HTT: variants seen among roughly 807,000 people sequenced by gnomAD.
HTT encodes the protein huntington disease protein.
Under a neutral mutation model 362.3 loss-of-function variants are expected in HTT, and 104 were observed. The ratio of observed to expected loss-of-function variants is 0.29; its 90% CI spans 0.24 to 0.34. The LOEUF (loss-of-function observed/expected upper bound fraction) is 0.34, where lower values mean the gene tolerates loss of function less well. Ranked by LOEUF, HTT falls within the 10% of genes least tolerant of loss-of-function variation. The pLI is 1.00. For missense variants in HTT, 3,301 were observed against 3,928.6 expected, an observed-to-expected ratio of 0.84 and a Z score of 4.27; for synonymous variants, 1,577 against 1,548.7, an observed-to-expected ratio of 1.02 and a Z score of -0.43.
At chr4:3,153,979 A>G (rs1717024793) in intron 26 of HTT, among the ~76,000 whole-genome samples, 1 of 152,180 alleles carries the variant, frequency 6.6e-6, no homozygotes, top group African/African-American at 2.4e-5. Flanking sequence ...CCAACATAGA[A>G]TGCCCTGGTT....
chr4:3,105,294 C>T, intron 4 of HTT, 63 bp from the exon 5 acceptor site: 1 of 1,091,642 alleles, frequency 9.2e-7, no homozygotes, highest in South Asian at 1.3e-5. Context: ...TGCTTCGTTT[C>T]TATGCAACCC....
At chr4:3,191,141 A>G (rs1435056091) in intron 40 of HTT, among the ~76,000 whole-genome samples, 1 of 150,216 alleles carries the variant, frequency 6.7e-6, no homozygotes, top group African/African-American at 2.4e-5. Flanking sequence ...GTCATAATGT[A>G]AATACTGCTT....
intron 22 of HTT, among the ~76,000 whole-genome samples, chr4:3,141,125 A>T (rs1045034838): frequency 6.6e-6 from 1 of 152,214 alleles, no homozygotes; most frequent in Non-Finnish European, 1.5e-5. Flanking sequence ...TATCGTGTCA[A>T]ATGGCCACAT....
chr4:3,079,842 G>A (rs1268215832), intron 1 of HTT, among the ~76,000 whole-genome samples: 1 of 152,178 alleles, frequency 6.6e-6, no homozygotes, highest in Non-Finnish European at 1.5e-5. Context: ...GGTGGGTTCT[G>A]TCAGGGTACC....
At chr4:3,129,789 G>A (rs1317178460) in intron 12 of HTT, 135 bp from the exon 13 acceptor site, 1 of 1,050,400 alleles carries the variant, frequency 9.5e-7, no homozygotes, top group Non-Finnish European at 1.4e-6. Context: ...TCTGTGCCTT[G>A]AAATAAATGA....
In HTT at chr4:3,206,498, T is replaced by C. The variant is rs1719859688; in HGVS notation, c.5721T>C (p.Cys1907=). Residue 1907 remains cysteine, a splice_region_variant and synonymous_variant, in exon 43 of 67, where the codon TGT becomes TGC. Transcript: ENST00000355072. The surrounding 1 kb of genome is among the most constrained non-coding windows in gnomAD (Gnocchi z 4.6). ...TCTCTCATCATATTTTTCCTTAGTGTCAGAACCTCCATGACTCCGAGCACT... is the reference window on the plus strand; with the variant it reads ...TCTCTCATCATATTTTTCCTTAGTGCCAGAACCTCCATGACTCCGAGCACT... ...GALILFCDYV[C]QNLHDSEHLT... 2 of 1,613,556 alleles carry C rather than the reference T, an allele frequency of 1.2e-6. No homozygotes were observed. The highest frequency in any genetic ancestry group is 1.7e-6 in the Non-Finnish European group (2 of 1,179,520).
chr4:3,074,917 A>T lies in HTT; in HGVS notation c.92A>T (p.Gln31Leu). The T allele has an allele frequency of 6.7e-7, 1 of 1,493,592 alleles. No individual in the cohort carries two copies. Among genetic ancestry groups the T allele is most frequent in the South Asian group, 1.2e-5 (1 of 80,944 alleles). 92.5% of individuals were successfully genotyped at this position (1,493,592 alleles called of 1,614,324 possible). Residue 31 changes from glutamine to leucine, a missense_variant, in exon 1 of 67, where the codon CAG becomes CTG. Physicochemically the swap from Gln to Leu is moderately radical, Grantham distance 113. Around this residue, in one of 4 missense-constraint regions of HTT, gnomAD observed 2,316 missense variants for 2,658.5 expected, o/e 0.87. Coordinates refer to ENST00000355072, the MANE Select transcript of HTT (RefSeq NM_001388492.1). ...QQQQQQQQQQQQQQQQQQPPP... is the reference protein window; with the variant it reads ...QQQQQQQQQQLQQQQQQQPPP... ...CAGCAGCAGCAGCAGCAGCAGCAGCAGCAGCAGCAGCAGCAGCAACAGCCG... is the reference window on the plus strand; with the variant it reads ...CAGCAGCAGCAGCAGCAGCAGCAGCTGCAGCAGCAGCAGCAGCAACAGCCG...
chr4:3,172,802 T>C (rs1693181033), intron 30 of HTT, 106 bp from the exon 31 acceptor site: 2 of 814,560 alleles, frequency 2.5e-6, no homozygotes, highest in African/African-American at 3.4e-5. Context: ...CTGTGAGTCT[T>C]TGCTAACATA....
chr4:3,161,175 G>A (rs1717422111), intron 29 of HTT, among the ~76,000 whole-genome samples: 1 of 152,052 alleles, frequency 6.6e-6, no homozygotes, highest in Admixed American at 6.6e-5. Flanking sequence ...TGCGGTGTTT[G>A]GTTTTCTGAT....
At chr4:3,162,565 T>C (rs1717496402) in intron 29 of HTT, among the ~76,000 whole-genome samples, 2 of 152,250 alleles carry the variant, frequency 1.3e-5, no homozygotes, top group African/African-American at 4.8e-5. Context: ...GAACATGGAA[T>C]GTTTTTCTAT....
chr4:3,236,156 G>C lies in HTT; in HGVS notation c.8793G>C (p.Glu2931Asp), dbSNP rs1263312995. 1 of 1,613,408 alleles carries C rather than the reference G, an allele frequency of 6.2e-7. No homozygotes were observed. The highest frequency in any genetic ancestry group is 2.2e-5 in the East Asian group (1 of 44,876). The change falls in exon 64 of 67, where the codon GAG (glutamate) becomes GAC (aspartate). Residue 2931 changes from glutamate to aspartate, a missense_variant. Around this residue, in one of 4 missense-constraint regions of HTT, gnomAD observed 753 missense variants for 1,021.3 expected, o/e 0.74. Transcript: ENST00000355072. ...LMLTCMYTGK[E>D]KVSPGRTSDP... Reference sequence around the variant, plus strand: ...TGAACACTTTTGTTACAGGAAAGGAGAAAGTCAGTCCGGGTAGAACTTCAG... The same window carrying C: ...TGAACACTTTTGTTACAGGAAAGGACAAAGTCAGTCCGGGTAGAACTTCAG...
chr4:3,108,464 T>C (rs1380649858), intron 6 of HTT, among the ~76,000 whole-genome samples: 3 of 152,250 alleles, frequency 2.0e-5, no homozygotes, highest in Admixed American at 6.5e-5. Flanking sequence ...TAGGTGCTCC[T>C]TTGTGGTCAG....
chr4:3,222,371 A>T lies in HTT; in HGVS notation c.7370-16A>T, dbSNP rs762699897. Reference sequence around the variant, plus strand: ...AGAAGGGTTGACACTCTCTCATGTAACATTTATATTTCTAGGCTGGACCAG... The same window carrying T: ...AGAAGGGTTGACACTCTCTCATGTATCATTTATATTTCTAGGCTGGACCAG... On this transcript the variant is annotated splice_polypyrimidine_tract_variant and intron_variant, in intron 53 of 66. Transcript: ENST00000355072. 1.2e-6 allele frequency: 2 copies of T among 1,607,070 alleles called. No homozygotes were observed. Among genetic ancestry groups the T allele is most frequent in the African/African-American group, 1.3e-5 (1 of 74,788 alleles).
intron 60 of HTT, among the ~76,000 whole-genome samples, chr4:3,230,664 A>G (rs191174898): frequency 2.6e-5 from 4 of 152,288 alleles, no homozygotes; most frequent in East Asian, 3.9e-4. Flanking sequence ...TTCATGGTCA[A>G]GGTGCCAGCA....
intron 37 of HTT, among the ~76,000 whole-genome samples, chr4:3,184,452 G>T (rs549991989): frequency 6.6e-6 from 1 of 152,230 alleles, no homozygotes; most frequent in Middle Eastern, 3.4e-3. Context: ...AGCCTTGAGG[G>T]GGAGGTGAGG....
rs767169122 is a variant in HTT at position 3,079,266 on chromosome 4, TG to T, written c.263+4182del. On this transcript the variant is annotated intron_variant, in intron 1 of 66. Transcript: ENST00000355072. ...AGACAGCTTTTTTTTTTTTTTTTTT[TG>T]GGGTTGGGGGGCAAGGTCTTGCTCT... Among the ~76,000 whole-genome samples, 960 of 143,874 alleles carry T rather than the reference TG, an allele frequency of 6.7e-3. 64 individuals carry two copies. Among genetic ancestry groups the T allele is most frequent in the African/African-American group, 0.017 (656 of 39,188 alleles). The allele number at this position is 143,874 out of a possible 152,430, so 94.4% of individuals were successfully genotyped here.
chr4:3,109,066 A>AAT lies in HTT; in HGVS notation c.747+1658_747+1659dup, dbSNP rs200341926. Among the ~76,000 whole-genome samples the AAT allele has an allele frequency of 5.6e-3, 469 of 84,048 alleles. 4 individuals are homozygous for AAT. Among genetic ancestry groups the AAT allele is most frequent in the East Asian group, 0.018 (41 of 2,268 alleles). The allele number at this position is 84,048 out of a possible 152,430, so 55.1% of individuals were successfully genotyped here. A position where few individuals can be genotyped will look rare whatever the true frequency, so the allele number is the denominator to read the frequency against. ...AAGATGCCATTTCTTAAAAAAAAAA[A>AAT]ATATATATATATATATTATCAATGA... On this transcript the variant is annotated intron_variant, in intron 6 of 66. Transcript: ENST00000355072.
At chr4:3,155,482 C>G (rs111722523) in intron 27 of HTT, among the ~76,000 whole-genome samples, 5,358 of 151,612 alleles carry the variant, frequency 0.035, 292 homozygotes, top group African/African-American at 0.12. Context: ...ACCTCAGCCT[C>G]TCAAAGTGCT....
intron 64 of HTT, among the ~76,000 whole-genome samples, chr4:3,236,843 T>G (rs1255708382): frequency 1.3e-5 from 2 of 151,972 alleles, no homozygotes; most frequent in East Asian, 3.9e-4. Flanking sequence ...TGGTAGGGCT[T>G]TTTCTCAAGG....
Sources: allele counts gnomAD v4.1 joint callset (sites outside exome capture counted in the v4.1 genomes callset), GRCh38; gene constraint gnomAD v4.1.1; regional missense constraint gnomAD v4.1.1; non-coding constraint Gnocchi (gnomAD v3.1); transcripts MANE v1.5; gene names NCBI Gene and HGNC (gene_info 2026-07-23, HGNC 2026-07-21).